The following PPP4R3B variants were observed in gnomAD, a reference collection of about 807,000 sequenced individuals.
PPP4R3B encodes the protein protein phosphatase 4 regulatory subunit 3B.
In PPP4R3B, 52 loss-of-function variants were observed where a neutral mutation model predicts 95.4. The observed-to-expected ratio is 0.54, with a 90% CI of 0.44 to 0.69. The LOEUF is 0.69. Among genes scored for constraint, PPP4R3B ranks in the 30% least tolerant of loss-of-function variants. PPP4R3B has a pLI of 0.00. For synonymous variants in PPP4R3B, 407 were observed against 343.9 expected (o/e 1.18, Z -2.03); for missense variants, 1,003 against 1,005.9 (o/e 1.00, Z 0.04).
At chr2:55,583,969 G>GCTTTAATC (rs1689769326) in intron 7 of PPP4R3B, among the ~76,000 whole-genome samples, 4 of 152,100 alleles carry the variant, frequency 2.6e-5, no homozygotes, top group Non-Finnish European at 4.4e-5. Flanking sequence ...ACTTTAGGAG[G>GCTTTAATC]CCGAGATGGG....
At chr2:55,568,438 T>C (rs917810264) in intron 12 of PPP4R3B, 75 bp from the exon 13 acceptor site, 1 of 1,222,112 alleles carries the variant, frequency 8.2e-7, no homozygotes, top group Non-Finnish European at 1.1e-6. Context: ...TTTTCCACCA[T>C]AAAGCAATGT....
chr2:55,601,827 T>C (rs1692659208), intron 3 of PPP4R3B, among the ~76,000 whole-genome samples: 3 of 152,350 alleles, frequency 2.0e-5, no homozygotes, highest in South Asian at 4.1e-4. Flanking sequence ...ATAAATCTTA[T>C]AATACTGATA....
intron 5 of PPP4R3B, among the ~76,000 whole-genome samples, chr2:55,588,579 T>C (rs1690511645): frequency 1.3e-5 from 2 of 150,586 alleles, no homozygotes; most frequent in Non-Finnish European, 3.0e-5. Flanking sequence ...ACCATAAAAA[T>C]GTATGAATTT....
At chr2:55,569,734 C>T (rs577292652) in intron 12 of PPP4R3B, among the ~76,000 whole-genome samples, 8 of 152,226 alleles carry the variant, frequency 5.3e-5, no homozygotes, top group Non-Finnish European at 1.0e-4. Context: ...GCCTGGCATT[C>T]GGGGCCACTA....
chr2:55,588,312 G>A (rs1175994099), intron 5 of PPP4R3B, among the ~76,000 whole-genome samples: 3 of 152,042 alleles, frequency 2.0e-5, no homozygotes, highest in Non-Finnish European at 4.4e-5. Context: ...TTGGGAGTTC[G>A]AGACCAGCCT....
chr2:55,555,545 C>G (rs1685741920), intron 16 of PPP4R3B, among the ~76,000 whole-genome samples: 1 of 152,012 alleles, frequency 6.6e-6, no homozygotes, highest in East Asian at 1.9e-4. Context: ...GAAACCCCAT[C>G]TCTACTGAAA....
chr2:55,559,288 G>A (rs1193662382), intron 15 of PPP4R3B, among the ~76,000 whole-genome samples: 1 of 152,076 alleles, frequency 6.6e-6, no homozygotes, highest in African/African-American at 2.4e-5. Context: ...AGAGGTTGTG[G>A]TGAGCCGAGA....
intron 10 of PPP4R3B, 114 bp downstream of exon 10, chr2:55,578,133 G>A: frequency 9.4e-7 from 1 of 1,060,432 alleles, no homozygotes; most frequent in Non-Finnish European, 1.2e-6. Flanking sequence ...AGAATAATAT[G>A]TATGACAGAC....
Position 55,579,602 on chromosome 2 carries a change from A to C in PPP4R3B, c.1468+77T>G, listed in dbSNP as rs948787872. The stretch of plus-strand genomic sequence containing the variant: ...TCCCTGTCTTATAAAGTCTCAAGTA[A>C]ATTGCCTGTTAGTTTAATATTTATC... On this transcript the variant is annotated intron_variant, in intron 9 of 16. Transcript: ENST00000616407. The C allele has an allele frequency of 3.1e-6, 3 of 965,726 alleles. No homozygotes were observed. In the African/African-American group the frequency reaches 5.1e-5, roughly 16 times the overall value. 59.8% of individuals were successfully genotyped at this position (965,726 alleles called of 1,614,324 possible).
chr2:55,602,260 T>A (rs1692722601), intron 3 of PPP4R3B, among the ~76,000 whole-genome samples: 1 of 152,234 alleles, frequency 6.6e-6, no homozygotes, highest in African/African-American at 2.4e-5. Flanking sequence ...CTGTCTGTGA[T>A]ATAAATCCTA....
At chr2:55,584,994 T>G in intron 7 of PPP4R3B, 57 bp downstream of exon 7, 2 of 1,201,950 alleles carry the variant, frequency 1.7e-6, no homozygotes, top group African/African-American at 1.6e-5. Flanking sequence ...CTCAATAGTT[T>G]GCAAACACTA....
rs145705257 is a variant in PPP4R3B, at chr2:55,617,210, G to A, written c.76C>T (p.His26Tyr). The A allele has an allele frequency of 4.5e-5, 73 of 1,613,930 alleles. No homozygotes were observed. The highest frequency in any genetic ancestry group is 2.3e-4 in the Admixed American group (14 of 60,002). Reference protein sequence around the residue: ...DRQWDDRGTGHVSSTYVEELK... With the variant: ...DRQWDDRGTGYVSSTYVEELK... Reference sequence around the variant, plus strand: ...TCCTCCACGTAAGTGGAGGAGACGTGCCCGGTGCCTCGGTCGTCCCATTGC... The same window carrying A: ...TCCTCCACGTAAGTGGAGGAGACGTACCCGGTGCCTCGGTCGTCCCATTGC... The change falls in exon 1 of 17, where the codon CAC becomes TAC. Residue 26 changes from histidine (H) to tyrosine (Y), a missense_variant. Coordinates refer to ENST00000616407, the MANE Select transcript of PPP4R3B (RefSeq NM_001122964.3).
intron 2 of PPP4R3B, among the ~76,000 whole-genome samples, chr2:55,611,958 C>G (rs1039842917): frequency 2.6e-5 from 4 of 152,146 alleles, no homozygotes; most frequent in African/African-American, 9.7e-5. Flanking sequence ...TTCCCGAAAT[C>G]CTCAGCTCAA....
At chr2:55,566,907 G>C (rs781065762) in intron 13 of PPP4R3B, among the ~76,000 whole-genome samples, 5 of 152,234 alleles carry the variant, frequency 3.3e-5, no homozygotes, top group Admixed American at 2.0e-4. Flanking sequence ...TCAGGAGGCT[G>C]ACGTGGGAGG....
At chr2:55,582,174 A>T (rs956898698) in intron 7 of PPP4R3B, among the ~76,000 whole-genome samples, 1 of 152,236 alleles carries the variant, frequency 6.6e-6, no homozygotes, top group African/African-American at 2.4e-5. Flanking sequence ...AAAATAACCC[A>T]GTACACAACT....
chr2:55,577,236 C>T (rs970769127), intron 11 of PPP4R3B, 79 bp downstream of exon 11: 17 of 1,456,518 alleles, frequency 1.2e-5, no homozygotes, highest in Non-Finnish European at 1.5e-5. Context: ...TTTTCTTAGC[C>T]TTATATAAGT....
At chr2:55,578,736 T>G (rs1408597514) in intron 9 of PPP4R3B, among the ~76,000 whole-genome samples, 1 of 152,080 alleles carries the variant, frequency 6.6e-6, no homozygotes, top group Non-Finnish European at 1.5e-5. Context: ...CTGATAGTAT[T>G]ACATAGGGTG....
chr2:55,599,653 T>G (rs922767735), intron 3 of PPP4R3B, among the ~76,000 whole-genome samples: 8 of 152,148 alleles, frequency 5.3e-5, no homozygotes, highest in African/African-American at 1.9e-4. Flanking sequence ...AGACAGCCAA[T>G]GAACTCTGCT....
At chr2:55,581,474 A>G in intron 8 of PPP4R3B, 93 bp downstream of exon 8, 1 of 1,340,656 alleles carries the variant, frequency 7.5e-7, no homozygotes. Flanking sequence ...CCAACTGGAC[A>G]AATACTTAAA....
Sources: gnomAD v4.1 joint callset for allele counts (sites outside exome capture counted in the v4.1 genomes callset) on GRCh38, gnomAD v4.1.1 for gene constraint, MANE v1.5 for transcripts, NCBI Gene and HGNC (gene_info 2026-07-23, HGNC 2026-07-21) for gene names.